The following USH2A variants were observed in gnomAD, a reference collection of about 807,000 sequenced individuals.
USH2A encodes Usher syndrome 2A (autosomal recessive, mild).
Under a neutral mutation model 538.9 loss-of-function variants are expected in USH2A, and 443 were observed. That is an observed-to-expected ratio of 0.82 (90% CI 0.76 to 0.89). USH2A has a LOEUF of 0.89. Ranked by LOEUF, USH2A falls within the 40% of genes least tolerant of loss-of-function variation. The pLI, the probability that USH2A is intolerant of heterozygous loss-of-function variation, is 0.00. For synonymous variants in USH2A, 2,413 were observed against 2,273.5 expected, an observed-to-expected ratio of 1.06 and a Z score of -1.75; for missense variants, 6,633 against 6,324.8, an observed-to-expected ratio of 1.05 and a Z score of -1.65.
intron 48 of USH2A, among the ~76,000 whole-genome samples, chr1:215,815,406 ATT>A (rs5780858): frequency 0.064 from 9,311 of 146,420 alleles, 474 homozygotes; most frequent in African/African-American, 0.15. Context: ...GACCCGTATG[ATT>A]TTTTTTTTTT....
At chr1:215,806,517 TA>T (rs537838693) in intron 49 of USH2A, among the ~76,000 whole-genome samples, 14 of 152,256 alleles carry the variant, frequency 9.2e-5, no homozygotes, top group African/African-American at 3.4e-4. Context: ...TACAGGATGC[TA>T]ACCCCTTAAA....
chr1:216,074,482 A>G (rs1359136013), intron 27 of USH2A, among the ~76,000 whole-genome samples: 1 of 152,218 alleles, frequency 6.6e-6, no homozygotes, highest in Admixed American at 6.5e-5. Flanking sequence ...AATAGTAACA[A>G]TGACCATATT....
intron 21 of USH2A, among the ~76,000 whole-genome samples, chr1:216,111,394 T>A (rs1418457978): frequency 6.6e-6 from 1 of 152,186 alleles, no homozygotes; most frequent in African/African-American, 2.4e-5. Flanking sequence ...CTCCTTCGGA[T>A]ACATTAACCA....
chr1:215,656,929 TAAACAGGTTG>T (rs1657273022), intron 64 of USH2A, among the ~76,000 whole-genome samples: 8 of 152,214 alleles, frequency 5.3e-5, no homozygotes, highest in African/African-American at 1.9e-4. Flanking sequence ...AATTAATAAG[TAAACAGGTTG>T]TATGTTAACG....
At chr1:216,055,276 T>C (rs2030939254) in intron 30 of USH2A, among the ~76,000 whole-genome samples, 1 of 152,006 alleles carries the variant, frequency 6.6e-6, no homozygotes, top group South Asian at 2.1e-4. Flanking sequence ...AAAGTGAGGG[T>C]GGGCAAGAGC....
intron 61 of USH2A, among the ~76,000 whole-genome samples, chr1:215,723,505 C>G (rs1376354888): frequency 6.6e-6 from 1 of 152,172 alleles, no homozygotes; most frequent in South Asian, 2.1e-4. Flanking sequence ...ACAACATGGG[C>G]AATTTATTGA....
In USH2A at chr1:216,046,424, G is replaced by T. The variant is rs1008199843; in HGVS notation, c.6325+7C>A. On this transcript the variant is annotated splice_region_variant and intron_variant, in intron 32 of 71. Transcript: ENST00000307340. ...TAACAATTCGCTGATAACTCTAGAG[G>T]TCTTACCTGTGACTATGTAGTTCTC... The T allele has an allele frequency of 3.7e-6, 6 of 1,613,330 alleles. No homozygotes were observed. The highest frequency in any genetic ancestry group is 5.1e-6 in the Non-Finnish European group (6 of 1,179,456).
intron 64 of USH2A, among the ~76,000 whole-genome samples, chr1:215,666,749 A>G (rs1294358860): frequency 1.3e-5 from 2 of 152,274 alleles, no homozygotes; most frequent in East Asian, 3.9e-4. Context: ...CTGAGGCAGT[A>G]TTTCCAAAAA....
At chr1:215,899,210 GCTTTTGAAAGTCA>G (rs1665428002) in intron 40 of USH2A, among the ~76,000 whole-genome samples, 3 of 152,090 alleles carry the variant, frequency 2.0e-5, no homozygotes, top group Admixed American at 2.0e-4. Flanking sequence ...TAATATCTAG[GCTTTTGAAAGTCA>G]CTTAACGTTC....
intron 37 of USH2A, among the ~76,000 whole-genome samples, chr1:215,959,447 C>T (rs1435424007): frequency 6.6e-6 from 1 of 151,928 alleles, no homozygotes; most frequent in Non-Finnish European, 1.5e-5. Context: ...CTTTTGAGGA[C>T]TTATTTTGGA....
At chr1:215,628,081 A>C (rs1268090960) in intron 71 of USH2A, among the ~76,000 whole-genome samples, 2 of 152,146 alleles carry the variant, frequency 1.3e-5, no homozygotes, top group East Asian at 3.9e-4. Flanking sequence ...ATCATTTCCT[A>C]AGGTTTTGGA....
intron 27 of USH2A, among the ~76,000 whole-genome samples, chr1:216,077,279 G>A (rs1371710382): frequency 1.3e-5 from 2 of 151,932 alleles, no homozygotes; most frequent in African/African-American, 2.4e-5. Flanking sequence ...CACCTAAATT[G>A]TAAATAATGC....
intron 32 of USH2A, among the ~76,000 whole-genome samples, chr1:216,021,239 T>C (rs1027776379): frequency 6.6e-6 from 1 of 152,134 alleles, no homozygotes; most frequent in African/African-American, 2.4e-5. Flanking sequence ...TCATCTTGAA[T>C]TGTAGCTCCC....
rs373604102 is a variant in USH2A at position 215,999,034 on chromosome 1, A to C, written c.6510T>G (p.Ser2170Arg). The C allele has an allele frequency of 3.3e-4, 536 of 1,612,508 alleles. 7 individuals carry two copies. The South Asian group carries it at 5.6e-3, about 17-fold the overall frequency. ...HIQWKQPRKI[S>R]GILERYVLYM... ...ATAATACATAGCGTTCCAGAATCCC[A>C]CTTATTTTTCTTGGTTGTTTCCACC... Residue 2170 changes from serine (S) to arginine (R), a missense_variant, in exon 34 of 72, where the codon AGT becomes AGG. Coordinates refer to ENST00000307340, the MANE Select transcript of USH2A (RefSeq NM_206933.4).
intron 37 of USH2A, among the ~76,000 whole-genome samples, chr1:215,937,906 A>T (rs1320148553): frequency 6.6e-6 from 1 of 152,074 alleles, no homozygotes; most frequent in Non-Finnish European, 1.5e-5. Context: ...TTTGTTTTTT[A>T]AGGAAATTTT....
chr1:216,383,086 G>A (rs937620623), intron 3 of USH2A, among the ~76,000 whole-genome samples: 1 of 152,116 alleles, frequency 6.6e-6, no homozygotes, highest in Admixed American at 6.5e-5. Context: ...AAAGAAACCT[G>A]TAAGAATCTC....
In USH2A at chr1:216,254,900, G is replaced by A. The variant is rs1285722458; in HGVS notation, c.1972-3802C>T. On this transcript the variant is annotated intron_variant, in intron 11 of 71. Transcript: ENST00000307340. ...TTAGCCACTAACTTAAACAGCAAAC[G>A]TTAATAGATAAAATATCATTGACCA... is the stretch of plus-strand genomic sequence containing the variant. Among the ~76,000 whole-genome samples the A allele has an allele frequency of 6.6e-5, 10 of 152,256 alleles. No homozygotes were observed. In the East Asian group the frequency reaches 1.5e-3, roughly 23 times the overall value.
intron 55 of USH2A, among the ~76,000 whole-genome samples, chr1:215,767,616 T>A (rs1224904078): frequency 6.6e-6 from 1 of 152,186 alleles, no homozygotes; most frequent in African/African-American, 2.4e-5. Context: ...AGAATGACAA[T>A]CCATCTAAAA....
chr1:216,244,671 T>C (rs957652084), intron 13 of USH2A, among the ~76,000 whole-genome samples: 1 of 152,166 alleles, frequency 6.6e-6, no homozygotes, highest in Admixed American at 6.5e-5. Context: ...TGCAATGATA[T>C]GCAAAACAAC....
Sources: allele counts gnomAD v4.1 joint callset (sites outside exome capture counted in the v4.1 genomes callset), GRCh38; gene constraint gnomAD v4.1.1; transcripts MANE v1.5; gene names NCBI Gene and HGNC (gene_info 2026-07-23, HGNC 2026-07-21).